ICA1: variants seen among roughly 807,000 people sequenced by gnomAD.
ICA1 encodes islet cell autoantigen 1, also known as 69 kDa islet cell autoantigen.
ICA1 carries 40 observed loss-of-function variants against 71.0 expected under a neutral mutation model. That is an observed-to-expected ratio of 0.56 (90% confidence interval 0.44 to 0.73). ICA1 has a LOEUF of 0.73. ICA1 is among the 30% of genes least tolerant of loss of function. The pLI is 0.00. For missense variants in ICA1, 578 were observed against 576.5 expected (o/e 1.00, Z -0.03); for synonymous variants, 207 against 209.5 (o/e 0.99, Z 0.10).
At chr7:8,261,571 A>G (rs1425457051) in intron 1 of ICA1, among the ~76,000 whole-genome samples, 5 of 152,080 alleles carry the variant, frequency 3.3e-5, no homozygotes, top group Non-Finnish European at 5.9e-5. Flanking sequence ...ATAAAGAGGT[A>G]CCCATATGCT....
intron 6 of ICA1, among the ~76,000 whole-genome samples, chr7:8,166,244 G>T (rs1805915624): frequency 6.6e-6 from 1 of 152,120 alleles, no homozygotes; most frequent in Non-Finnish European, 1.5e-5. Flanking sequence ...AGATTTCTCT[G>T]TGGGCCTATA....
chr7:8,183,970 A>C (rs1783086381), intron 6 of ICA1, among the ~76,000 whole-genome samples: 1 of 152,112 alleles, frequency 6.6e-6, no homozygotes. Context: ...ATAGACTAGC[A>C]TTTACTACAT....
In ICA1 at chr7:8,128,065, A is replaced by C; in HGVS notation, c.1138T>G (p.Phe380Val). 1 of 1,614,236 alleles carries C rather than the reference A, an allele frequency of 6.2e-7. No homozygotes were observed. Residue 380 changes from phenylalanine (F) to valine (V), a missense_variant, in exon 13 of 14, where the codon TTC becomes GTC. By Grantham distance (50) the Phe-to-Val change is conservative. Coordinates refer to ENST00000402384, the MANE Select transcript of ICA1 (RefSeq NM_001136020.3). ...CCCTCTTCCAAGGAGGAAGCATTGA[A>C]GATCTCACTCAACAGCAGCAGGTCA... ...KDDLLLLSEI[F>V]NASSLEEGEF...
chr7:8,248,453 C>T (rs985574043), intron 1 of ICA1, among the ~76,000 whole-genome samples: 6 of 152,272 alleles, frequency 3.9e-5, no homozygotes, highest in African/African-American at 1.2e-4. Context: ...AGACCAGGAA[C>T]AGTGGCTCAT....
At chr7:8,189,416 A>T (rs927146125) in intron 6 of ICA1, among the ~76,000 whole-genome samples, 3 of 152,232 alleles carry the variant, frequency 2.0e-5, no homozygotes, top group African/African-American at 7.2e-5. Flanking sequence ...AGCTGGACCC[A>T]GAACCCAGAA....
chr7:8,158,690 C>A, intron 6 of ICA1, 38 bp from the exon 7 acceptor site: 1 of 1,595,504 alleles, frequency 6.3e-7, no homozygotes, highest in Admixed American at 1.8e-5. Flanking sequence ...TCACCCTAAC[C>A]CTTAAGTAGG....
intron 1 of ICA1, among the ~76,000 whole-genome samples, chr7:8,251,240 T>C (rs185804416): frequency 2.0e-5 from 3 of 152,040 alleles, no homozygotes; most frequent in Non-Finnish European, 2.9e-5. Context: ...TCAGGTGTTA[T>C]ATACAATGAT....
intron 5 of ICA1, among the ~76,000 whole-genome samples, chr7:8,220,375 T>C (rs1309559937): frequency 1.3e-5 from 2 of 152,242 alleles, no homozygotes; most frequent in African/African-American, 4.8e-5. Flanking sequence ...ACCATGCTGC[T>C]GGCCTGCTCT....
At chr7:8,122,675 C>T (rs745662707) in intron 13 of ICA1, among the ~76,000 whole-genome samples, 15 of 152,256 alleles carry the variant, frequency 9.9e-5, no homozygotes, top group South Asian at 2.1e-4. Context: ...AGGAGGTGAG[C>T]ACTGCTTGAG....
intron 13 of ICA1, 180 bp from the exon 14 acceptor site, chr7:8,114,224 C>G (rs1199193539): frequency 1.6e-6 from 1 of 630,410 alleles, no homozygotes; most frequent in Non-Finnish European, 2.7e-6. Flanking sequence ...GGCCAGTTAA[C>G]ATTTCCAAAC....
At chr7:8,195,484 G>T (rs1470983184) in intron 6 of ICA1, among the ~76,000 whole-genome samples, 1 of 152,076 alleles carries the variant, frequency 6.6e-6, no homozygotes, top group Admixed American at 6.5e-5. Flanking sequence ...AGAGGTTGTA[G>T]TGAGCCAAGA....
intron 13 of ICA1, among the ~76,000 whole-genome samples, chr7:8,126,867 T>G (rs753727102): frequency 3.9e-5 from 6 of 152,240 alleles, no homozygotes; most frequent in Non-Finnish European, 5.9e-5. Flanking sequence ...AATTTCAACA[T>G]GAGTTTCAGG....
chr7:8,184,459 C>G (rs1486108700), intron 6 of ICA1, among the ~76,000 whole-genome samples: 2 of 152,262 alleles, frequency 1.3e-5, no homozygotes, highest in East Asian at 3.9e-4. Context: ...TATCATGGGT[C>G]ATTTTGTTAA....
rs1371052721 is a variant in ICA1 at position 8,174,660 on chromosome 7, T to C, written c.580-16008A>G. ...AAATAAAAAAATCAGCTGGGTGTGGTGGTGAGCACTTATAGTCCCAGCTAC... is the reference window on the plus strand; with the variant it reads ...AAATAAAAAAATCAGCTGGGTGTGGCGGTGAGCACTTATAGTCCCAGCTAC... On this transcript the variant is annotated intron_variant, in intron 6 of 13. Coordinates refer to ENST00000402384, the MANE Select transcript of ICA1 (RefSeq NM_001136020.3). 4.7e-5 allele frequency among the ~76,000 whole-genome samples: 7 copies of C among 147,756 alleles called. No homozygotes were observed. The East Asian group carries it at 1.4e-3, about 30-fold the overall frequency.
chr7:8,166,019 T>C (rs1805829492), intron 6 of ICA1, among the ~76,000 whole-genome samples: 1 of 152,168 alleles, frequency 6.6e-6, no homozygotes, highest in Admixed American at 6.5e-5. Flanking sequence ...AAGATCTATT[T>C]TAAAATTTCA....
chr7:8,189,330 T>TC (rs1353161892), intron 6 of ICA1, among the ~76,000 whole-genome samples: 1 of 152,180 alleles, frequency 6.6e-6, no homozygotes, highest in African/African-American at 2.4e-5. Context: ...TTTAGTACAA[T>TC]CCTATTGTCT....
rs1381482205 is a variant in ICA1, at chr7:8,181,168, T to C, written c.580-22516A>G. Among the ~76,000 whole-genome samples the C allele has an allele frequency of 6.6e-5, 10 of 152,244 alleles. No individual in the cohort carries two copies. The South Asian group carries it at 1.7e-3, about 25-fold the overall frequency. On this transcript the variant is annotated intron_variant, in intron 6 of 13. Transcript: ENST00000402384. ...GTTAATTTTTGTGTATGATATGAAA[T>C]AGGGGTCGGGTTCCTGGTATTCTGT... is the stretch of plus-strand genomic sequence containing the variant.
At chr7:8,116,453 A>G (rs1784834468) in intron 13 of ICA1, 1 of 152,246 alleles carries the variant, frequency 6.6e-6, no homozygotes, top group South Asian at 2.1e-4. Context: ...ATACTGGAAT[A>G]CATTTGAGGA....
chr7:8,126,387 G>A (rs1789192226), intron 13 of ICA1, among the ~76,000 whole-genome samples: 1 of 152,144 alleles, frequency 6.6e-6, no homozygotes, highest in South Asian at 2.1e-4. Flanking sequence ...TCCCGTGAAT[G>A]AGGTGGTGAA....
Sources: allele counts gnomAD v4.1 joint callset (sites outside exome capture counted in the v4.1 genomes callset), GRCh38; gene constraint gnomAD v4.1.1; transcripts MANE v1.5; gene names NCBI Gene and HGNC (gene_info 2026-07-23, HGNC 2026-07-21).